Variants in UTRN observed in about 807,000 individuals in gnomAD.
The protein encoded by UTRN is dystrophin-related protein 1.
A neutral mutation model predicts 463.9 loss-of-function variants in UTRN; 283 were observed. The observed-to-expected ratio is 0.61, with a 90% CI of 0.55 to 0.67. The LOEUF (loss-of-function observed/expected upper bound fraction) is 0.67, where lower values mean the gene tolerates loss of function less well. Among genes scored for constraint, UTRN ranks in the 30% least tolerant of loss-of-function variants. The pLI, the probability that UTRN is intolerant of heterozygous loss-of-function variation, is 0.00. For missense variants in UTRN, 3,922 were observed against 4,084.3 expected (o/e 0.96, Z 1.08); for synonymous variants, 1,442 against 1,431.5 (o/e 1.01, Z -0.17).
chr6:144,719,502 A>T (rs112609060), intron 53 of UTRN, among the ~76,000 whole-genome samples: 3 of 152,268 alleles, frequency 2.0e-5, no homozygotes, highest in African/African-American at 7.2e-5. Context: ...GCTTGAACCC[A>T]GGAGGCGGAG....
At chr6:144,618,444 T>G (rs1350568999) in intron 51 of UTRN, among the ~76,000 whole-genome samples, 2 of 152,168 alleles carry the variant, frequency 1.3e-5, no homozygotes, top group Non-Finnish European at 1.5e-5. Flanking sequence ...ACATTTGAAT[T>G]TAATCTTCCA....
At chr6:144,819,146 A>G (rs761160810) in intron 65 of UTRN, among the ~76,000 whole-genome samples, 2 of 152,202 alleles carry the variant, frequency 1.3e-5, no homozygotes, top group Non-Finnish European at 2.9e-5. Context: ...TGGTGATAGC[A>G]TGGGGCTGGC....
intron 52 of UTRN, among the ~76,000 whole-genome samples, chr6:144,683,580 C>T (rs1388691199): frequency 6.6e-6 from 1 of 152,224 alleles, no homozygotes; most frequent in Non-Finnish European, 1.5e-5. Context: ...CAATCTGCTC[C>T]TTATACTGCC....
At chr6:144,371,433 C>T (rs755535140) in intron 2 of UTRN, among the ~76,000 whole-genome samples, 8 of 152,092 alleles carry the variant, frequency 5.3e-5, no homozygotes, top group Admixed American at 3.3e-4. Flanking sequence ...GTTTTTGAGA[C>T]GGAGTTTCAC....
At chr6:144,643,053 A>G (rs1052034097) in intron 51 of UTRN, among the ~76,000 whole-genome samples, 3 of 152,130 alleles carry the variant, frequency 2.0e-5, no homozygotes, top group African/African-American at 7.2e-5. Flanking sequence ...ATTTTATAGT[A>G]TCTATATAGC....
chr6:144,638,274 G>A (rs921355041), intron 51 of UTRN, among the ~76,000 whole-genome samples: 5 of 152,222 alleles, frequency 3.3e-5, no homozygotes, highest in African/African-American at 1.2e-4. Flanking sequence ...ATACTCGGAA[G>A]ATAAGCTCTT....
intron 53 of UTRN, among the ~76,000 whole-genome samples, chr6:144,725,709 A>AT (rs1787800994): frequency 6.6e-6 from 1 of 152,232 alleles, no homozygotes; most frequent in Non-Finnish European, 1.5e-5. Flanking sequence ...TGAGAGAGTT[A>AT]AAGTGTGAAA....
intron 2 of UTRN, among the ~76,000 whole-genome samples, chr6:144,319,838 A>G (rs6941296): frequency 0.14 from 20,643 of 148,794 alleles, 4,173 homozygotes; most frequent in African/African-American, 0.44. Context: ...ATGGGTCACC[A>G]TGCCCAGACT....
chr6:144,545,101 A>G (rs1798285963), intron 46 of UTRN, among the ~76,000 whole-genome samples: 1 of 151,886 alleles, frequency 6.6e-6, no homozygotes, highest in South Asian at 2.1e-4. Flanking sequence ...GTCAACCTCA[A>G]CTCTTCTCTG....
intron 66 of UTRN, among the ~76,000 whole-genome samples, chr6:144,826,581 A>G (rs1330635865): frequency 6.6e-6 from 1 of 152,156 alleles, no homozygotes; most frequent in Non-Finnish European, 1.5e-5. Context: ...CCTAGGCAGT[A>G]TATGACATCC....
chr6:144,626,647 T>C (rs1472830916), intron 51 of UTRN, among the ~76,000 whole-genome samples: 2 of 151,876 alleles, frequency 1.3e-5, no homozygotes, highest in African/African-American at 4.9e-5. Flanking sequence ...TGGCTTTTCT[T>C]TTTTCTTTTG....
chr6:144,785,277 C>T (rs1776204785), intron 61 of UTRN, among the ~76,000 whole-genome samples: 1 of 152,158 alleles, frequency 6.6e-6, no homozygotes, highest in African/African-American at 2.4e-5. Context: ...GCATGTGATA[C>T]AGCCAGAACT....
chr6:144,782,065 G>A lies in UTRN; in HGVS notation c.8776G>A (p.Val2926Ile), dbSNP rs1001967864. 2 of 1,613,862 alleles carry A rather than the reference G, an allele frequency of 1.2e-6. No individual in the cohort carries two copies. The highest frequency in any genetic ancestry group is 1.3e-5 in the African/African-American group (1 of 74,914). Residue 2926 changes from valine (V) to isoleucine (I), a missense_variant, in exon 61 of 75, where the codon GTC becomes ATC. Physicochemically the swap from Val to Ile is conservative, Grantham distance 29. This residue lies in a region of UTRN where 1,309 missense variants were observed against 1,452.6 expected (regional missense o/e 0.90). Transcript: ENST00000367545. ...ACTTGAGCAAATGCATAAGGACCTG[G>A]TCAACGTTCCACTCTGTGTTGATAT... ...DGLEQMHKDL[V>I]NVPLCVDMCL...
intron 51 of UTRN, among the ~76,000 whole-genome samples, chr6:144,655,634 T>A (rs1439950718): frequency 3.3e-5 from 5 of 152,210 alleles, no homozygotes; most frequent in African/African-American, 1.2e-4. Context: ...TTTTCTTCTT[T>A]TCTTTTCTTT....
At chr6:144,516,136 G>C (rs150856072) in intron 37 of UTRN, 93 bp from the exon 38 acceptor site, 1 of 1,278,352 alleles carries the variant, frequency 7.8e-7, no homozygotes, top group Non-Finnish European at 1.1e-6. Flanking sequence ...AGTTAAAAAA[G>C]TGTTAGTTTC....
chr6:144,490,059 A>G lies in UTRN; in HGVS notation c.4135-12A>G. The G allele has an allele frequency of 6.2e-7, 1 of 1,603,274 alleles. No individual in the cohort carries two copies. Among genetic ancestry groups the G allele is most frequent in the Non-Finnish European group, 8.5e-7 (1 of 1,176,914 alleles). On this transcript the variant is annotated splice_polypyrimidine_tract_variant and intron_variant, in intron 30 of 74. Transcript: ENST00000367545. The stretch of plus-strand genomic sequence containing the variant: ...AAAAGGACATCCTCTCCCCTTTCCA[A>G]TCTCTTTTTAGAAAATCCAAGCAGA...
chr6:144,568,341 A>C (rs1197215844), intron 50 of UTRN, among the ~76,000 whole-genome samples: 1 of 152,184 alleles, frequency 6.6e-6, no homozygotes, highest in Non-Finnish European at 1.5e-5. Context: ...TAGATTTAAC[A>C]AAAGATTTAG....
chr6:144,810,362 A>G (rs1465198506), intron 65 of UTRN, among the ~76,000 whole-genome samples: 3 of 152,150 alleles, frequency 2.0e-5, no homozygotes, highest in African/African-American at 7.2e-5. Flanking sequence ...TACAGCCACA[A>G]ATGAAAAAGA....
In UTRN at chr6:144,852,392, A is replaced by G. The variant is rs1782533497; in HGVS notation, c.*1395A>G. The G allele has an allele frequency of 6.6e-6, 1 of 152,280 alleles. No individual in the cohort carries two copies. The highest frequency in any genetic ancestry group is 6.5e-5 in the Admixed American group (1 of 15,268). The allele number at this position is 152,280 out of a possible 1,614,324, so 9.4% of individuals were successfully genotyped here. A position where few individuals can be genotyped will look rare whatever the true frequency, so the allele number is the denominator to read the frequency against. ...GGTGAAAATAATATGTTTTGATTCA[A>G]ACCTAAAGACATAAAAACATAAAGA... On this transcript the variant is annotated 3_prime_UTR_variant, in exon 75 of 75. Coordinates refer to ENST00000367545, the MANE Select transcript of UTRN (RefSeq NM_007124.3).
Sources: gnomAD v4.1 joint callset for allele counts (sites outside exome capture counted in the v4.1 genomes callset) on GRCh38, gnomAD v4.1.1 for gene constraint, gnomAD v4.1.1 regional missense constraint, MANE v1.5 for transcripts, NCBI Gene and HGNC (gene_info 2026-07-23, HGNC 2026-07-21) for gene names.